ATF7IP: variants seen among roughly 807,000 people sequenced by gnomAD.
ATF7IP encodes the protein activating transcription factor 7 interacting protein.
ATF7IP carries 23 observed loss-of-function variants against 106.4 expected under a neutral mutation model. The observed-to-expected ratio is 0.22, with a 90% CI of 0.16 to 0.31. ATF7IP has a LOEUF of 0.31. Among genes scored for constraint, ATF7IP ranks in the 10% least tolerant of loss-of-function variants. The pLI is 1.00. For missense variants in ATF7IP, 1,334 were observed against 1,524.3 expected (o/e 0.88, Z 2.08); for synonymous variants, 542 against 539.0 (o/e 1.01, Z -0.08).
chr12:14,449,123 A>T (rs1476692758), intron 6 of ATF7IP, among the ~76,000 whole-genome samples: 1 of 151,992 alleles, frequency 6.6e-6, no homozygotes, highest in Non-Finnish European at 1.5e-5. Context: ...GTTTCCTTTC[A>T]TATACAGAAG....
intron 1 of ATF7IP, among the ~76,000 whole-genome samples, chr12:14,374,948 G>T (rs906461252): frequency 6.6e-6 from 1 of 151,598 alleles, no homozygotes; most frequent in Non-Finnish European, 1.5e-5. Context: ...AGTTTCCTGG[G>T]GTTAGGAATC....
chr12:14,393,387 C>T (rs1470142784), intron 1 of ATF7IP, among the ~76,000 whole-genome samples: 1 of 152,054 alleles, frequency 6.6e-6, no homozygotes, highest in Non-Finnish European at 1.5e-5. Flanking sequence ...TTTCCTCCAA[C>T]CAAGAGTTAA....
intron 10 of ATF7IP, among the ~76,000 whole-genome samples, chr12:14,474,021 G>A (rs577696361): frequency 1.7e-4 from 26 of 151,932 alleles, no homozygotes; most frequent in South Asian, 6.2e-4. Context: ...CTTGAGGTTC[G>A]TTGAACCTCT....
intron 12 of ATF7IP, among the ~76,000 whole-genome samples, chr12:14,480,205 C>G (rs1345460319): frequency 1.3e-5 from 2 of 151,880 alleles, no homozygotes; most frequent in Non-Finnish European, 2.9e-5. Context: ...TGATTTGTTA[C>G]TTTTTATTAT....
intron 2 of ATF7IP, among the ~76,000 whole-genome samples, chr12:14,426,851 G>GGCTTTTTATTTTCAAAGA: frequency 3.3e-5 from 1 of 29,920 alleles, no homozygotes; most frequent in Non-Finnish European, 5.9e-5. Flanking sequence ...AAAAAAAAAA[G>GGCTTTTTATTTTCAAAGA]GATGGCTTTT....
intron 5 of ATF7IP, among the ~76,000 whole-genome samples, chr12:14,446,195 T>G (rs138380838): frequency 0.012 from 1,787 of 152,122 alleles, 27 homozygotes; most frequent in East Asian, 0.065. Flanking sequence ...TTGCCCAGGC[T>G]GGAGTGCAGT....
At chr12:14,382,697 CTA>C (rs1234320693) in intron 1 of ATF7IP, among the ~76,000 whole-genome samples, 1 of 152,104 alleles carries the variant, frequency 6.6e-6, no homozygotes, top group African/African-American at 2.4e-5. Context: ...TTTCAGCTCA[CTA>C]TTTATTGAGC....
At chr12:14,429,464 A>AT (rs1002216999) in intron 2 of ATF7IP, among the ~76,000 whole-genome samples, 3 of 151,692 alleles carry the variant, frequency 2.0e-5, no homozygotes, top group Admixed American at 6.6e-5. Context: ...AGTGAACTAG[A>AT]TTTTTTTTGC....
chr12:14,373,946 A>G lies in ATF7IP; in HGVS notation c.-8+8119A>G, dbSNP rs138523854. On this transcript the variant is annotated intron_variant, in intron 1 of 14. Transcript: ENST00000261168. ...ACTCAGTGTAGTATTTTTGAACTTTACAGGTTAACTTGCTTAATTCAAAAG... is the reference window on the plus strand; with the variant it reads ...ACTCAGTGTAGTATTTTTGAACTTTGCAGGTTAACTTGCTTAATTCAAAAG... 5.0e-4 allele frequency among the ~76,000 whole-genome samples: 76 copies of G among 152,190 alleles called. No homozygotes were observed. In the South Asian group the frequency reaches 0.011, roughly 22 times the overall value.
chr12:14,372,218 C>T (rs1242104122), intron 1 of ATF7IP, among the ~76,000 whole-genome samples: 1 of 152,078 alleles, frequency 6.6e-6, no homozygotes, highest in African/African-American at 2.4e-5. Flanking sequence ...GGGGCTCCTC[C>T]AGGCATTTTA....
intron 1 of ATF7IP, among the ~76,000 whole-genome samples, chr12:14,399,366 T>C (rs1477363905): frequency 2.0e-5 from 3 of 152,112 alleles, no homozygotes; most frequent in African/African-American, 7.2e-5. Flanking sequence ...TCAGTATTGC[T>C]GATGACAAGT....
intron 2 of ATF7IP, among the ~76,000 whole-genome samples, chr12:14,426,462 C>A (rs1000799847): frequency 1.3e-5 from 2 of 150,404 alleles, no homozygotes; most frequent in African/African-American, 4.9e-5. Context: ...GAGACAGAGA[C>A]AACTTTTTTC....
chr12:14,384,636 C>T (rs181167052), intron 1 of ATF7IP, among the ~76,000 whole-genome samples: 4 of 152,188 alleles, frequency 2.6e-5, no homozygotes, highest in African/African-American at 9.6e-5. Flanking sequence ...TGGTAAATTA[C>T]TCAATAAGCT....
chr12:14,411,956 T>G (rs1344770378), intron 1 of ATF7IP, among the ~76,000 whole-genome samples: 1 of 152,182 alleles, frequency 6.6e-6, no homozygotes, highest in African/African-American at 2.4e-5. Flanking sequence ...GGAATTAATT[T>G]TTGTATAAGG....
At chr12:14,481,526 T>G (rs1944428544) in intron 13 of ATF7IP, 3 of 390,598 alleles carry the variant, frequency 7.7e-6, no homozygotes, top group Non-Finnish European at 1.5e-5. Flanking sequence ...ATATATATAA[T>G]TTTTGTCAAT....
At position 14,475,902 on chromosome 12, in the gene ATF7IP, A is replaced by C. The variant is rs753637071; in HGVS notation, c.2875A>C (p.Thr959Pro). The change falls in exon 11 of 15, where the codon ACT becomes CCT. Residue 959 changes from threonine to proline, a missense_variant. Coordinates refer to ENST00000261168, the MANE Select transcript of ATF7IP (RefSeq NM_018179.5). ...ADSTSQCGKA[T>P]GSDSSGVIDL... ...TTTTGTTTTTCAGTGTGGAAAAGCC[A>C]CTGGCAGTGATTCAAGTGGTGTCAT... is the stretch of plus-strand genomic sequence containing the variant. The C allele has an allele frequency of 1.9e-6, 3 of 1,612,624 alleles. No homozygotes were observed. Among genetic ancestry groups the C allele is most frequent in the Non-Finnish European group, 2.5e-6 (3 of 1,179,522 alleles).
rs1343984645 is a variant in ATF7IP at position 14,497,639 on chromosome 12, G to T, written c.3394-15G>T. 4 of 1,606,508 alleles carry T rather than the reference G, an allele frequency of 2.5e-6. No individual in the cohort carries two copies. In the African/African-American group the frequency reaches 5.4e-5, roughly 22 times the overall value. Reference sequence around the variant, plus strand: ...TTTTGCAATCATCATTAATCAGTGTGACCTGTTTCTTCAGGAGCCCCCACG... The same window carrying T: ...TTTTGCAATCATCATTAATCAGTGTTACCTGTTTCTTCAGGAGCCCCCACG... On this transcript the variant is annotated splice_polypyrimidine_tract_variant and intron_variant, in intron 14 of 14. Coordinates refer to ENST00000261168, the MANE Select transcript of ATF7IP (RefSeq NM_018179.5).
chr12:14,449,734 A>T (rs922773452), intron 6 of ATF7IP, among the ~76,000 whole-genome samples: 1 of 151,758 alleles, frequency 6.6e-6, no homozygotes, highest in African/African-American at 2.4e-5. Flanking sequence ...AAACAAACCC[A>T]CTATTGCAAT....
At chr12:14,490,954 T>G (rs560444999) in intron 13 of ATF7IP, among the ~76,000 whole-genome samples, 141 of 149,668 alleles carry the variant, frequency 9.4e-4, no homozygotes, top group Non-Finnish European at 1.4e-3. Context: ...CCAAAGCCCC[T>G]TTAACAGGCC....
Sources: gnomAD v4.1 joint callset for allele counts (sites outside exome capture counted in the v4.1 genomes callset) on GRCh38, gnomAD v4.1.1 for gene constraint, MANE v1.5 for transcripts, NCBI Gene and HGNC (gene_info 2026-07-23, HGNC 2026-07-21) for gene names.